COLEC12: variants seen among roughly 807,000 people sequenced by gnomAD.
COLEC12 encodes collectin-12.
A neutral mutation model predicts 71.1 loss-of-function variants in COLEC12; 33 were observed. The ratio of observed to expected loss-of-function variants is 0.46; its 90% CI spans 0.35 to 0.62. The LOEUF (loss-of-function observed/expected upper bound fraction) is 0.62, where lower values mean the gene tolerates loss of function less well. COLEC12 is among the 20% of genes least tolerant of loss of function. The pLI is 0.00. For synonymous variants in COLEC12, 350 were observed against 353.0 expected (o/e 0.99, Z 0.10); for missense variants, 765 against 916.1 (o/e 0.84, Z 2.13).
At chr18:454,387 A>G (rs199950027) in intron 2 of COLEC12, among the ~76,000 whole-genome samples, 1 of 152,056 alleles carries the variant, frequency 6.6e-6, no homozygotes, top group Non-Finnish European at 1.5e-5. Flanking sequence ...CCTATCTAAC[A>G]CAGCCACTCA....
At chr18:431,761 C>T (rs939521714) in intron 2 of COLEC12, among the ~76,000 whole-genome samples, 2 of 152,134 alleles carry the variant, frequency 1.3e-5, no homozygotes, top group Non-Finnish European at 2.9e-5. Context: ...CCTCGGTTCC[C>T]TTCAACACAT....
In COLEC12 at chr18:357,512, T is replaced by C. The variant is rs778147187; in HGVS notation, c.69A>G (p.Glu23=). ...SFGYKRFGIQ[E]GTQCTKCKNN... ...TTTTACATTTGGTACATTGTGTTCC[T>C]TCCTGAATACCTGTAAGAGAAGTCA... Residue 23 remains glutamate, a synonymous_variant, in exon 3 of 10, where the codon GAA becomes GAG. Coordinates refer to ENST00000400256, the MANE Select transcript of COLEC12 (RefSeq NM_130386.3). 1 of 1,559,368 alleles carries C rather than the reference T, an allele frequency of 6.4e-7. No homozygotes were observed. The highest frequency in any genetic ancestry group is 2.3e-5 in the East Asian group (1 of 43,332).
chr18:435,773 G>A (rs1004798019), intron 2 of COLEC12, among the ~76,000 whole-genome samples: 25 of 152,152 alleles, frequency 1.6e-4, no homozygotes, highest in Admixed American at 1.4e-3. Flanking sequence ...TTACACATAA[G>A]TTGAAGAAGT....
intron 2 of COLEC12, among the ~76,000 whole-genome samples, chr18:378,338 G>A (rs59461532): frequency 0.083 from 12,599 of 152,262 alleles, 673 homozygotes; most frequent in Admixed American, 0.15. Context: ...CACAAAAACC[G>A]TCATAAATAA....
chr18:397,568 C>A (rs1181248727), intron 2 of COLEC12, among the ~76,000 whole-genome samples: 3 of 152,126 alleles, frequency 2.0e-5, no homozygotes. Context: ...GTAATGGTGT[C>A]TGGCAAAGAG....
rs534677074 is a variant in COLEC12 at position 329,383 on chromosome 18, ACT to A, written c.2063+2283_2063+2284del. On this transcript the variant is annotated intron_variant, in intron 8 of 9. Coordinates refer to ENST00000400256, the MANE Select transcript of COLEC12 (RefSeq NM_130386.3). Reference sequence around the variant, plus strand: ...TGATTTTTTGTTTCAGCTTCTCCCAACTCTCTTAAAAAAAAGACCCCGGCGCT... The same window carrying A: ...TGATTTTTTGTTTCAGCTTCTCCCAACTCTTAAAAAAAAGACCCCGGCGCT... Among the ~76,000 whole-genome samples the A allele has an allele frequency of 1.6e-4, 25 of 152,154 alleles. No individual in the cohort carries two copies. The South Asian group carries it at 5.0e-3, about 30-fold the overall frequency.
At chr18:377,677 C>A (rs886590934) in intron 2 of COLEC12, among the ~76,000 whole-genome samples, 6 of 152,222 alleles carry the variant, frequency 3.9e-5, no homozygotes, top group African/African-American at 1.4e-4. Flanking sequence ...TTGGCCATTG[C>A]TGGCAGCTTT....
intron 2 of COLEC12, among the ~76,000 whole-genome samples, chr18:448,489 C>T (rs567281299): frequency 3.3e-5 from 5 of 152,164 alleles, no homozygotes; most frequent in African/African-American, 1.2e-4. Context: ...AACAAATTAA[C>T]TTGAAATGTA....
At chr18:499,999 A>C (rs1431545242) in intron 1 of COLEC12, among the ~76,000 whole-genome samples, 1 of 152,192 alleles carries the variant, frequency 6.6e-6, no homozygotes, top group Non-Finnish European at 1.5e-5. Flanking sequence ...CGGGCACCTA[A>C]TCATTGCCAG....
chr18:403,921 C>G (rs777185287), intron 2 of COLEC12, among the ~76,000 whole-genome samples: 3 of 152,216 alleles, frequency 2.0e-5, no homozygotes, highest in Non-Finnish European at 4.4e-5. Flanking sequence ...TTCTGCTGCT[C>G]TGGAATTGGA....
intron 1 of COLEC12, among the ~76,000 whole-genome samples, chr18:487,575 A>C (rs1459416155): frequency 6.6e-6 from 1 of 152,200 alleles, no homozygotes; most frequent in Non-Finnish European, 1.5e-5. Flanking sequence ...GGAAACATTA[A>C]AACAAAAGTT....
chr18:488,142 G>A (rs1917553453), intron 1 of COLEC12, among the ~76,000 whole-genome samples: 1 of 152,184 alleles, frequency 6.6e-6, no homozygotes, highest in Non-Finnish European at 1.5e-5. Context: ...TGGGCACGGT[G>A]GCTGACACCT....
Position 320,065 on chromosome 18 carries a change from C to T in COLEC12, c.2210-1G>A. 1 of 1,537,996 alleles carries T rather than the reference C, an allele frequency of 6.5e-7. No individual in the cohort carries two copies. The highest frequency in any genetic ancestry group is 1.2e-5 in the South Asian group (1 of 84,176). On this transcript the variant is annotated splice_acceptor_variant, in intron 9 of 9. Coordinates refer to ENST00000400256, the MANE Select transcript of COLEC12 (RefSeq NM_130386.3). LOFTEE classifies it high-confidence loss of function. ...GTCCGTTATAATGCAGATGACAGTA[C>T]TAAAAGAGAGAAATAAGAATGGGCA...
intron 2 of COLEC12, among the ~76,000 whole-genome samples, chr18:358,505 GA>G (rs1914675364): frequency 6.6e-6 from 1 of 152,204 alleles, no homozygotes; most frequent in African/African-American, 2.4e-5. Context: ...GCACAACCTA[GA>G]TCCCTCACAT....
intron 2 of COLEC12, among the ~76,000 whole-genome samples, chr18:387,566 A>G (rs1456210475): frequency 6.6e-6 from 1 of 152,210 alleles, no homozygotes; most frequent in Non-Finnish European, 1.5e-5. Flanking sequence ...TGAAGGCGTC[A>G]ATGACATAGT....
At chr18:461,182 C>T (rs2621169) in intron 2 of COLEC12, among the ~76,000 whole-genome samples, 120,119 of 152,122 alleles carry the variant, frequency 0.79, 47,648 homozygotes, top group East Asian at 0.99. Flanking sequence ...TCATCTATAA[C>T]AGCATTGTCC....
At chr18:486,210 G>A (rs1917515656) in intron 1 of COLEC12, among the ~76,000 whole-genome samples, 1 of 152,054 alleles carries the variant, frequency 6.6e-6, no homozygotes, top group Non-Finnish European at 1.5e-5. Context: ...TTTTGAGACA[G>A]AATCTTGCTC....
At position 347,324 on chromosome 18, in the gene COLEC12, T is replaced by C. The variant is rs769601927; in HGVS notation, c.298A>G (p.Lys100Glu). 5 of 1,611,200 alleles carry C rather than the reference T, an allele frequency of 3.1e-6. No homozygotes were observed. The South Asian group carries it at 4.4e-5, about 14-fold the overall frequency. Residue 100 changes from lysine (K) to glutamate (E), a missense_variant, in exon 5 of 10, where the codon AAA (lysine) becomes GAA (glutamate). Physicochemically the swap from Lys to Glu is moderately conservative, Grantham distance 56. Transcript: ENST00000400256. ...AGTTCTGAGTTGGTGCTGATAGCTT[T>C]CTTCCCAGTTTGGTCACCTGGAATA... ...LKKLGDQTGK[K>E]AISTNSELST... is the part of the protein sequence containing the mutation.
intron 8 of COLEC12, 44 bp downstream of exon 8, chr18:331,624 C>A (rs756271422): frequency 1.3e-5 from 16 of 1,245,008 alleles, no homozygotes; most frequent in Non-Finnish European, 1.8e-5. Context: ...GACAACAGAA[C>A]AGTGAGAGCC....
Sources: gnomAD v4.1 joint callset for allele counts (sites outside exome capture counted in the v4.1 genomes callset) on GRCh38, gnomAD v4.1.1 for gene constraint, MANE v1.5 for transcripts, NCBI Gene and HGNC (gene_info 2026-07-23, HGNC 2026-07-21) for gene names.